MRAP2: variants seen among roughly 807,000 people sequenced by gnomAD.
The protein encoded by MRAP2 is melanocortin 2 receptor accessory protein 2.
In MRAP2, 20 loss-of-function variants were observed where a neutral mutation model predicts 17.4. The observed-to-expected ratio is 1.15, with a 90% CI of 0.81 to 1.67. The LOEUF is 1.67. Among genes scored for constraint, MRAP2 ranks in the 40% most tolerant of loss-of-function variants. The pLI, the probability that MRAP2 is intolerant of heterozygous loss-of-function variation, is 0.00. For missense variants in MRAP2, 238 were observed against 240.0 expected (o/e 0.99, Z 0.05); for synonymous variants, 96 against 88.4 (o/e 1.09, Z -0.48).
chr6:84,116,319 C>G, the MRAP2 span, among the ~76,000 whole-genome samples: 1 of 152,042 alleles, frequency 6.6e-6, no homozygotes, highest in Admixed American at 6.6e-5. Context: ...CTTTCCAGTG[C>G]TGTTATCGTG....
intron 3 of MRAP2, among the ~76,000 whole-genome samples, chr6:84,070,281 G>A (rs1356109546): frequency 6.6e-6 from 1 of 152,072 alleles, no homozygotes; most frequent in Non-Finnish European, 1.5e-5. Context: ...CAGAAGTTTT[G>A]ATAGGTTGTG....
chr6:84,137,871 G>A, the MRAP2 span, among the ~76,000 whole-genome samples: 1 of 152,100 alleles, frequency 6.6e-6, no homozygotes, highest in African/African-American at 2.4e-5. Flanking sequence ...TAGCATCAAC[G>A]GAAGAGGTGC....
the MRAP2 span, among the ~76,000 whole-genome samples, chr6:84,116,923 A>C: frequency 8.5e-5 from 13 of 152,198 alleles, no homozygotes; most frequent in Admixed American, 4.6e-4. Context: ...ATCGATGTTC[A>C]TCAAGGATAC....
intron 3 of MRAP2, among the ~76,000 whole-genome samples, chr6:84,076,297 G>C (rs993859331): frequency 6.6e-6 from 1 of 150,820 alleles, no homozygotes; most frequent in Non-Finnish European, 1.5e-5. Flanking sequence ...GATCTTAGCT[G>C]ACTGCAACCT....
downstream of MRAP2, among the ~76,000 whole-genome samples, chr6:84,092,174 C>T (rs1170042969): frequency 6.6e-6 from 1 of 152,146 alleles, no homozygotes; most frequent in East Asian, 1.9e-4. Flanking sequence ...TTTGTGATTA[C>T]ATTGGGTTAC....
At chr6:84,117,020 CT>C in the MRAP2 span, among the ~76,000 whole-genome samples, 1 of 148,310 alleles carries the variant, frequency 6.7e-6, no homozygotes, top group East Asian at 2.0e-4. Context: ...TTTTCTTCTT[CT>C]TTCTTTCTAT....
intron 3 of MRAP2, among the ~76,000 whole-genome samples, chr6:84,084,231 T>C (rs1238688951): frequency 2.0e-5 from 3 of 152,222 alleles, no homozygotes; most frequent in Non-Finnish European, 4.4e-5. Context: ...TTTTGTTTGC[T>C]GGTCTGGTTT....
At chr6:84,087,949 T>C (rs1263094301) in intron 3 of MRAP2, among the ~76,000 whole-genome samples, 2 of 152,208 alleles carry the variant, frequency 1.3e-5, no homozygotes, top group South Asian at 2.1e-4. Flanking sequence ...TTTGATAATT[T>C]GGAGTTTAGT....
intron 1 of MRAP2, chr6:84,035,536 C>T: frequency 6.2e-6 from 3 of 481,396 alleles, no homozygotes; most frequent in Non-Finnish European, 8.1e-6. Context: ...AACATGAAAG[C>T]CAAGAGAAAG....
At chr6:84,102,084 G>A in the MRAP2 span, among the ~76,000 whole-genome samples, 7 of 152,102 alleles carry the variant, frequency 4.6e-5, no homozygotes, top group Non-Finnish European at 8.8e-5. Flanking sequence ...ACTTGGTGTG[G>A]TGAAAAAATA....
chr6:84,131,441 TG>T, the MRAP2 span, among the ~76,000 whole-genome samples: 1 of 152,136 alleles, frequency 6.6e-6, no homozygotes, highest in Admixed American at 6.5e-5. Flanking sequence ...ATGTTGACAG[TG>T]GGGTGTTAAA....
At chr6:84,075,767 T>C (rs2099497434) in intron 3 of MRAP2, among the ~76,000 whole-genome samples, 1 of 152,218 alleles carries the variant, frequency 6.6e-6, no homozygotes, top group African/African-American at 2.4e-5. Context: ...TAGGGGCCAG[T>C]GCAGGATTGC....
At chr6:84,144,507 T>G in the MRAP2 span, among the ~76,000 whole-genome samples, 1 of 152,162 alleles carries the variant, frequency 6.6e-6, no homozygotes, top group South Asian at 2.1e-4. Flanking sequence ...TGTTTTACTG[T>G]TACTTTCCTA....
At chr6:84,106,813 C>T in the MRAP2 span, among the ~76,000 whole-genome samples, 1 of 152,264 alleles carries the variant, frequency 6.6e-6, no homozygotes, top group African/African-American at 2.4e-5. Context: ...TGGAGTGCTG[C>T]TGTGCATGCC....
downstream of MRAP2, among the ~76,000 whole-genome samples, chr6:84,091,239 C>CTTTTTTTTTT: frequency 9.3e-6 from 1 of 108,066 alleles, no homozygotes; most frequent in Non-Finnish European, 1.8e-5. Context: ...AGTTTGTTAA[C>CTTTTTTTTTT]TTTTTTTTTT....
the MRAP2 span, among the ~76,000 whole-genome samples, chr6:84,112,302 G>T: frequency 6.6e-6 from 1 of 152,056 alleles, no homozygotes; most frequent in Non-Finnish European, 1.5e-5. Context: ...GTCTATTCAG[G>T]GATTTGACTT....
downstream of MRAP2, among the ~76,000 whole-genome samples, chr6:84,091,041 T>C (rs192690695): frequency 6.6e-6 from 1 of 152,300 alleles, no homozygotes; most frequent in African/African-American, 2.4e-5. Flanking sequence ...GATTTAGGGA[T>C]TATTTCGCTA....
chr6:84,129,445 A>T, the MRAP2 span, among the ~76,000 whole-genome samples: 2 of 152,166 alleles, frequency 1.3e-5, no homozygotes, highest in African/African-American at 4.8e-5. Flanking sequence ...ACCAGCGATG[A>T]GCTTTTTTTC....
the MRAP2 span, among the ~76,000 whole-genome samples, chr6:84,114,595 T>C: frequency 5.3e-5 from 8 of 152,162 alleles, no homozygotes; most frequent in Non-Finnish European, 1.0e-4. Flanking sequence ...TCAAACTCAT[T>C]CTCTGTCCAG....
Sources: gnomAD v4.1 joint callset for allele counts (sites outside exome capture counted in the v4.1 genomes callset) on GRCh38, gnomAD v4.1.1 for gene constraint, MANE v1.5 for transcripts, NCBI Gene and HGNC (gene_info 2026-07-23, HGNC 2026-07-21) for gene names.